TMEM132D: variants seen among roughly 807,000 people sequenced by gnomAD.
The protein encoded by TMEM132D is mature OL transmembrane protein.
A neutral mutation model predicts 62.3 loss-of-function variants in TMEM132D; 21 were observed. That is an observed-to-expected ratio of 0.34 (90% confidence interval 0.24 to 0.49). The LOEUF is 0.49. TMEM132D is among the 20% of genes least tolerant of loss of function. The pLI is 0.99. For missense variants in TMEM132D, 1,346 were observed against 1,402.8 expected (o/e 0.96, Z 0.65); for synonymous variants, 621 against 575.6 (o/e 1.08, Z -1.13).
At chr12:129,664,070 G>A (rs921924373) in intron 2 of TMEM132D, among the ~76,000 whole-genome samples, 11 of 152,268 alleles carry the variant, frequency 7.2e-5, no homozygotes, top group African/African-American at 2.4e-4. Flanking sequence ...ATCATTGCTC[G>A]ACTATTTCAT....
At chr12:129,848,681 A>G (rs1482922905) in intron 1 of TMEM132D, among the ~76,000 whole-genome samples, 1 of 152,084 alleles carries the variant, frequency 6.6e-6, no homozygotes, top group Non-Finnish European at 1.5e-5. Flanking sequence ...GAGTTACTTT[A>G]ATTTCTCCTG....
Position 129,532,971 on chromosome 12 carries a change from C to T in TMEM132D, c.969-1766G>A, listed in dbSNP as rs371710057. On this transcript the variant is annotated intron_variant, in intron 2 of 8. Coordinates refer to ENST00000422113, the MANE Select transcript of TMEM132D (RefSeq NM_133448.3). Reference sequence around the variant, plus strand: ...GCTTTGCTTTCCTTGGCGAATACATCGGAGCAGTGATTCTCACCACATGCT... The same window carrying T: ...GCTTTGCTTTCCTTGGCGAATACATTGGAGCAGTGATTCTCACCACATGCT... Among the ~76,000 whole-genome samples the T allele has an allele frequency of 2.4e-4, 36 of 152,230 alleles. No homozygotes were observed. The East Asian group carries it at 5.4e-3, about 23-fold the overall frequency.
chr12:129,126,244 C>T (rs907089500), intron 5 of TMEM132D, among the ~76,000 whole-genome samples: 3 of 152,136 alleles, frequency 2.0e-5, no homozygotes, highest in African/African-American at 2.4e-5. Flanking sequence ...GATCCATATT[C>T]ATATCTTATC....
At chr12:129,103,662 C>A (rs999860805) in intron 5 of TMEM132D, among the ~76,000 whole-genome samples, 1 of 152,312 alleles carries the variant, frequency 6.6e-6, no homozygotes. Flanking sequence ...GGATTACAGG[C>A]GTGAGCCACC....
intron 4 of TMEM132D, among the ~76,000 whole-genome samples, chr12:129,295,241 C>T (rs150219505): frequency 0.021 from 3,251 of 152,106 alleles, 52 homozygotes; most frequent in Non-Finnish European, 0.033. Context: ...CTAGACACTA[C>T]GGAACACTGC....
At chr12:129,152,829 G>T (rs1439308556) in intron 5 of TMEM132D, among the ~76,000 whole-genome samples, 3 of 152,162 alleles carry the variant, frequency 2.0e-5, no homozygotes, top group Non-Finnish European at 4.4e-5. Flanking sequence ...GGGCTTCCTT[G>T]TCAACTGGTG....
At chr12:129,742,167 T>C (rs6650192) in intron 1 of TMEM132D, among the ~76,000 whole-genome samples, 77,435 of 151,712 alleles carry the variant, frequency 0.51, 20,446 homozygotes, top group Non-Finnish European at 0.59. Context: ...GTTCTAACAT[T>C]AGCCATCTGT....
chr12:129,234,596 AT>A (rs1302424091), intron 4 of TMEM132D, among the ~76,000 whole-genome samples: 1 of 152,116 alleles, frequency 6.6e-6, no homozygotes. Context: ...AAACCAGTAT[AT>A]TTTTTCTGCT....
chr12:129,606,360 T>C (rs1878624839), intron 2 of TMEM132D, among the ~76,000 whole-genome samples: 1 of 152,054 alleles, frequency 6.6e-6, no homozygotes, highest in South Asian at 2.1e-4. Context: ...GGTATCTAGG[T>C]CTGTCATATG....
chr12:129,130,589 C>T (rs1203144125), intron 5 of TMEM132D, among the ~76,000 whole-genome samples: 1 of 152,128 alleles, frequency 6.6e-6, no homozygotes, highest in Non-Finnish European at 1.5e-5. Flanking sequence ...TCCAATGGAA[C>T]TTACATTCTG....
chr12:129,086,184 A>C (rs967531082), intron 5 of TMEM132D, among the ~76,000 whole-genome samples: 1 of 140,254 alleles, frequency 7.1e-6, no homozygotes, highest in Non-Finnish European at 1.5e-5. Context: ...CCATCACCTC[A>C]CATAGTCACG....
At chr12:129,531,736 T>C (rs1876232328) in intron 2 of TMEM132D, among the ~76,000 whole-genome samples, 2 of 152,168 alleles carry the variant, frequency 1.3e-5, no homozygotes, top group South Asian at 4.1e-4. Flanking sequence ...TGGCCTCAAG[T>C]GATCCACCTG....
intron 5 of TMEM132D, among the ~76,000 whole-genome samples, chr12:129,104,544 G>A (rs911688422): frequency 3.9e-5 from 6 of 152,084 alleles, no homozygotes; most frequent in South Asian, 4.1e-4. Flanking sequence ...TGACAAATGG[G>A]ATCTAATTAA....
intron 1 of TMEM132D, among the ~76,000 whole-genome samples, chr12:129,839,277 G>C (rs1400486122): frequency 1.3e-5 from 2 of 151,436 alleles, no homozygotes; most frequent in Non-Finnish European, 2.9e-5. Context: ...TTACAGGTGT[G>C]TGCCACCATG....
At chr12:129,462,775 A>T (rs2137040240) in intron 3 of TMEM132D, among the ~76,000 whole-genome samples, 1 of 152,332 alleles carries the variant, frequency 6.6e-6, no homozygotes, top group Non-Finnish European at 1.5e-5. Flanking sequence ...TTTCAAATTG[A>T]TTACAAACGA....
intron 3 of TMEM132D, among the ~76,000 whole-genome samples, chr12:129,440,955 T>C (rs867762791): frequency 6.6e-6 from 1 of 152,202 alleles, no homozygotes; most frequent in South Asian, 2.1e-4. Flanking sequence ...CGGATTTGCA[T>C]CCATTATTAT....
At chr12:129,599,713 T>G (rs1164483540) in intron 2 of TMEM132D, among the ~76,000 whole-genome samples, 1 of 152,182 alleles carries the variant, frequency 6.6e-6, no homozygotes, top group East Asian at 1.9e-4. Context: ...GAGTCACACA[T>G]TTTTTGGTTT....
intron 5 of TMEM132D, among the ~76,000 whole-genome samples, chr12:129,114,726 G>C (rs972989388): frequency 2.0e-5 from 3 of 152,018 alleles, no homozygotes; most frequent in Admixed American, 2.0e-4. Context: ...TTCTAATGTC[G>C]CCACCTCGTT....
At chr12:129,558,005 G>A (rs1877109727) in intron 2 of TMEM132D, among the ~76,000 whole-genome samples, 1 of 152,118 alleles carries the variant, frequency 6.6e-6, no homozygotes, top group African/African-American at 2.4e-5. Context: ...ATAATACAGT[G>A]AACCATTTAT....
Sources: allele counts gnomAD v4.1 joint callset (sites outside exome capture counted in the v4.1 genomes callset), GRCh38; gene constraint gnomAD v4.1.1; transcripts MANE v1.5; gene names NCBI Gene and HGNC (gene_info 2026-07-23, HGNC 2026-07-21).